Variants in VRK1 observed in about 807,000 individuals in gnomAD.
VRK1 encodes VRK serine/threonine kinase 1, also known as serine/threonine-protein kinase VRK1.
VRK1 carries 33 observed loss-of-function variants against 57.1 expected under a neutral mutation model. The ratio of observed to expected loss-of-function variants is 0.58; its 90% CI spans 0.44 to 0.77. The LOEUF (loss-of-function observed/expected upper bound fraction) is 0.77. Among genes scored for constraint, VRK1 ranks in the 30% least tolerant of loss-of-function variants. The pLI, the probability that VRK1 is intolerant of heterozygous loss-of-function variation, is 0.00. For synonymous variants in VRK1, 137 were observed against 147.8 expected (o/e 0.93, Z 0.53); for missense variants, 413 against 477.3 (o/e 0.87, Z 1.25).
rs61481986 is a variant in VRK1 at position 96,880,769 on chromosome 14, A to G, written c.1160-408A>G. Among the ~76,000 whole-genome samples, 272 of 152,278 alleles carry G rather than the reference A, an allele frequency of 1.8e-3. 7 individuals are homozygous for G. In the East Asian group the frequency reaches 0.048, roughly 27 times the overall value. On this transcript the variant is annotated intron_variant, in intron 12 of 12. Coordinates refer to ENST00000216639, the MANE Select transcript of VRK1 (RefSeq NM_003384.3). ...AACTTATTGCTTTGCTTTTCATAACATGTGTGACCTCATCGCTTCCACCTT... is the reference window on the plus strand; with the variant it reads ...AACTTATTGCTTTGCTTTTCATAACGTGTGTGACCTCATCGCTTCCACCTT...
intron 11 of VRK1, among the ~76,000 whole-genome samples, chr14:96,865,782 T>G (rs1291616932): frequency 1.3e-5 from 2 of 152,042 alleles, no homozygotes; most frequent in East Asian, 3.9e-4. Context: ...TTGGATTATC[T>G]GTGATTATAC....
At chr14:96,803,850 A>G (rs553483410) in intron 1 of VRK1, among the ~76,000 whole-genome samples, 2 of 152,294 alleles carry the variant, frequency 1.3e-5, no homozygotes, top group African/African-American at 2.4e-5. Context: ...TGTCTGTTCA[A>G]GTCTTTTACC....
chr14:96,849,996 C>T (rs1237948432), intron 5 of VRK1, among the ~76,000 whole-genome samples: 1 of 151,982 alleles, frequency 6.6e-6, no homozygotes, highest in African/African-American at 2.4e-5. Context: ...ATCAGAAGTG[C>T]CTTAGAGTGT....
chr14:96,802,654 G>A (rs1255853833), intron 1 of VRK1, among the ~76,000 whole-genome samples: 2 of 152,206 alleles, frequency 1.3e-5, no homozygotes, highest in Non-Finnish European at 2.9e-5. Context: ...ACATGAATCT[G>A]TACACATGAC....
At chr14:96,808,022 T>TCTCTCTCTCTCC (rs1566683641) in intron 1 of VRK1, among the ~76,000 whole-genome samples, 7 of 46,062 alleles carry the variant, frequency 1.5e-4, no homozygotes, top group South Asian at 6.4e-4. Context: ...TCCCTCTGTG[T>TCTCTCTCTCTCC]GTGTGTGTGT....
chr14:96,809,906 T>C (rs1886105644), intron 1 of VRK1, among the ~76,000 whole-genome samples: 1 of 152,190 alleles, frequency 6.6e-6, no homozygotes, highest in Non-Finnish European at 1.5e-5. Context: ...TGCCAAATTG[T>C]TTTTCATCCT....
chr14:96,806,588 T>C (rs1885887294), intron 1 of VRK1, among the ~76,000 whole-genome samples: 1 of 152,208 alleles, frequency 6.6e-6, no homozygotes, highest in Admixed American at 6.5e-5. Flanking sequence ...ATTAGAGCAA[T>C]TCAATTTAGC....
intron 3 of VRK1, 56 bp downstream of exon 3, chr14:96,837,873 G>T: frequency 7.8e-7 from 1 of 1,285,180 alleles, no homozygotes. Context: ...GTAGTATTTT[G>T]TAAAATGCCT....
chr14:96,855,386 G>A lies in VRK1; in HGVS notation c.709+30G>A, dbSNP rs377386641. 1.1e-4 allele frequency: 179 copies of A among 1,613,604 alleles called. 1 individual carries two copies. In the Middle Eastern group the frequency reaches 2.0e-3, roughly 18 times the overall value. On this transcript the variant is annotated intron_variant, in intron 8 of 12. Transcript: ENST00000216639. Reference sequence around the variant, plus strand: ...GTCAGTAGTACTGGAGTGAGAAATAGACTGCTAATGTTTTCACCCAGATTC... The same window carrying A: ...GTCAGTAGTACTGGAGTGAGAAATAAACTGCTAATGTTTTCACCCAGATTC...
At chr14:96,827,770 T>A (rs761098395) in intron 1 of VRK1, among the ~76,000 whole-genome samples, 39 of 151,536 alleles carry the variant, frequency 2.6e-4, no homozygotes, top group African/African-American at 4.2e-4. Flanking sequence ...TAATTGATTG[T>A]TTGTTTTCTA....
At chr14:96,850,842 A>C (rs1045632810) in intron 5 of VRK1, among the ~76,000 whole-genome samples, 20 of 152,202 alleles carry the variant, frequency 1.3e-4, no homozygotes, top group Non-Finnish European at 2.2e-4. Context: ...GGGAAATCCA[A>C]AATGCTCCAG....
At position 96,833,524 on chromosome 14, in the gene VRK1, A is replaced by G; in HGVS notation, c.53A>G (p.His18Arg). 6.2e-7 allele frequency: 1 copy of G among 1,613,838 alleles called. No homozygotes were observed. The highest frequency in any genetic ancestry group is 8.5e-7 in the Non-Finnish European group (1 of 1,179,792). The change falls in exon 2 of 13, where the codon CAT (histidine) becomes CGT (arginine). Residue 18 changes from histidine to arginine, a missense_variant. This residue lies in a region of VRK1 where 116 missense variants were observed against 113.6 expected (regional missense o/e 1.02). Transcript: ENST00000216639. ...QAGRQSSAKR[H>R]LAEQFAVGEI... is the part of the protein sequence containing the mutation. ...GGAAGACAGAGCTCTGCAAAGAGAC[A>G]TCTTGCAGAACAATTTGCAGTTGGA... is the stretch of plus-strand genomic sequence containing the variant.
intron 1 of VRK1, among the ~76,000 whole-genome samples, chr14:96,808,019 G>GTCTCTCTCTCCC (rs1566683621): frequency 5.8e-5 from 2 of 34,274 alleles, no homozygotes; most frequent in African/African-American, 1.5e-4. Flanking sequence ...CTCTCCCTCT[G>GTCTCTCTCTCCC]TGTGTGTGTG....
intron 1 of VRK1, among the ~76,000 whole-genome samples, chr14:96,802,148 T>A (rs1885687409): frequency 6.6e-6 from 1 of 152,248 alleles, no homozygotes; most frequent in Non-Finnish European, 1.5e-5. Context: ...TTATCTTTCA[T>A]ATGTTGCTGG....
At chr14:96,880,902 T>C (rs1339677617) in intron 12 of VRK1, among the ~76,000 whole-genome samples, 1 of 152,162 alleles carries the variant, frequency 6.6e-6, no homozygotes, top group African/African-American at 2.4e-5. Flanking sequence ...TTAGTAAAAA[T>C]TAGATACGTT....
intron 11 of VRK1, among the ~76,000 whole-genome samples, chr14:96,873,364 TTAAC>T (rs1378567631): frequency 1.3e-5 from 2 of 152,234 alleles, no homozygotes; most frequent in African/African-American, 4.8e-5. Flanking sequence ...AAGCTGCTAA[TTAAC>T]TAAACTTTAG....
At chr14:96,799,418 A>G (rs1885568638) in intron 1 of VRK1, among the ~76,000 whole-genome samples, 1 of 152,204 alleles carries the variant, frequency 6.6e-6, no homozygotes, top group South Asian at 2.1e-4. Context: ...ACAAGATTTT[A>G]ATTTTGACAG....
At chr14:96,812,087 C>T (rs968831437) in intron 1 of VRK1, among the ~76,000 whole-genome samples, 1 of 152,212 alleles carries the variant, frequency 6.6e-6, no homozygotes, top group Admixed American at 6.5e-5. Flanking sequence ...GTTCAGGGTT[C>T]ATCCCTGTTG....
chr14:96,838,139 C>T (rs1887295316), intron 3 of VRK1, among the ~76,000 whole-genome samples: 1 of 151,944 alleles, frequency 6.6e-6, no homozygotes, highest in Non-Finnish European at 1.5e-5. Context: ...TATTTATATC[C>T]TATAAGACTA....
Sources: gnomAD v4.1 joint callset for allele counts (sites outside exome capture counted in the v4.1 genomes callset) on GRCh38, gnomAD v4.1.1 for gene constraint, gnomAD v4.1.1 regional missense constraint, MANE v1.5 for transcripts, NCBI Gene and HGNC (gene_info 2026-07-23, HGNC 2026-07-21) for gene names.